The following EIF2D variants were observed in gnomAD, a reference collection of about 807,000 sequenced individuals.
EIF2D encodes hepatocellular carcinoma-associated antigen 56.
A neutral mutation model predicts 77.4 loss-of-function variants in EIF2D; 56 were observed. The ratio of observed to expected loss-of-function variants is 0.72; its 90% CI spans 0.58 to 0.90. The LOEUF is 0.90. Ranked by LOEUF, EIF2D falls within the 40% of genes least tolerant of loss-of-function variation. The probability of loss-of-function intolerance (pLI) is 0.00; values close to 1 mark genes in which losing one functional copy is unlikely to be tolerated. For missense variants in EIF2D, 574 were observed against 706.5 expected, an observed-to-expected ratio of 0.81 and a Z score of 2.13; for synonymous variants, 230 against 271.0, an observed-to-expected ratio of 0.85 and a Z score of 1.49.
At chr1:206,590,437 T>C (rs1237238588), downstream of EIF2D, among the ~76,000 whole-genome samples, 3 of 152,238 alleles carry the variant, frequency 2.0e-5, no homozygotes, top group Admixed American at 6.5e-5. Context: ...CAGTGCTATA[T>C]TTTACTTGTA....
chr1:206,581,435 T>TA (rs1305706136), intron 2 of EIF2D, among the ~76,000 whole-genome samples: 1 of 151,846 alleles, frequency 6.6e-6, no homozygotes, highest in Non-Finnish European at 1.5e-5. Context: ...CCGTCTCTAC[T>TA]AAAAAATACA....
At position 206,582,870 on chromosome 1, in the gene EIF2D, G is replaced by A. The variant is rs78509862; in HGVS notation, c.139-1708C>T. Among the ~76,000 whole-genome samples the A allele has an allele frequency of 3.9e-3, 592 of 152,260 alleles. 41 individuals carry two copies. In the East Asian group the frequency reaches 0.11, roughly 27 times the overall value. On this transcript the variant is annotated intron_variant and NMD_transcript_variant, in intron 2 of 5. Coordinates refer to the EIF2D transcript ENST00000472709. The stretch of plus-strand genomic sequence containing the variant: ...GACAGACCATGGCTTGTATTTCTTT[G>A]CATCTCCCATAGCATCAAAGAAGCA...
At position 206,597,081 on chromosome 1, in the gene EIF2D, G is replaced by C; in HGVS notation, c.1388+19C>G. Reference sequence around the variant, plus strand: ...CGAGGGGATAGAAAAGTTGGAGAGGGACTGCCAATGCTCGTTACCTGGTCA... The same window carrying C: ...CGAGGGGATAGAAAAGTTGGAGAGGCACTGCCAATGCTCGTTACCTGGTCA... On this transcript the variant is annotated intron_variant, in intron 12 of 14. Transcript: ENST00000271764. 6.3e-7 allele frequency: 1 copy of C among 1,596,186 alleles called. No homozygotes were observed. Among genetic ancestry groups the C allele is most frequent in the East Asian group, 2.2e-5 (1 of 44,764 alleles).
chr1:206,595,477 C>A, intron 13 of EIF2D: 1 of 336,342 alleles, frequency 3.0e-6, no homozygotes, highest in Non-Finnish European at 5.4e-6. Flanking sequence ...ATCTTGTTTA[C>A]TTTTGGAACC....
chr1:206,609,720 G>T (rs1342596740), intron 2 of EIF2D, among the ~76,000 whole-genome samples: 6 of 152,114 alleles, frequency 3.9e-5, no homozygotes, highest in African/African-American at 1.4e-4. Context: ...AAAAAGTGAG[G>T]GCAGAGAACC....
downstream of EIF2D, among the ~76,000 whole-genome samples, chr1:206,591,475 G>C (rs1026658724): frequency 3.3e-5 from 5 of 152,070 alleles, no homozygotes; most frequent in African/African-American, 4.8e-5. Flanking sequence ...CCACCTGTCC[G>C]AACTCTGAAT....
intron 7 of EIF2D, 75 bp from the exon 8 acceptor site, chr1:206,600,383 C>G (rs1333015689): frequency 7.1e-7 from 1 of 1,404,800 alleles, no homozygotes; most frequent in Non-Finnish European, 1.0e-6. Context: ...GAGAGGAGGG[C>G]CTTTTTCCTC....
chr1:206,611,398 T>C, intron 1 of EIF2D, 24 bp from the exon 2 acceptor site: 2 of 1,598,086 alleles, frequency 1.3e-6, no homozygotes, highest in Non-Finnish European at 1.7e-6. Flanking sequence ...ACCAGCACTG[T>C]GAATGCTGCC....
intron 6 of EIF2D, 89 bp from the exon 7 acceptor site, chr1:206,602,542 A>C (rs1572402500): frequency 8.5e-7 from 1 of 1,170,398 alleles, no homozygotes; most frequent in Non-Finnish European, 1.3e-6. Context: ...TCCCTACCTC[A>C]CCCACTTGGC....
At chr1:206,612,094 A>C (rs1670524965) in intron 1 of EIF2D, among the ~76,000 whole-genome samples, 193 bp downstream of exon 1, 1 of 152,224 alleles carries the variant, frequency 6.6e-6, no homozygotes, top group Non-Finnish European at 1.5e-5. Context: ...ACTATCCAAA[A>C]GAGAGCCAGG....
intron 4 of EIF2D, among the ~76,000 whole-genome samples, chr1:206,607,518 C>T (rs566824304): frequency 2.2e-4 from 33 of 152,194 alleles, no homozygotes; most frequent in African/African-American, 7.9e-4. Flanking sequence ...CAACTCTTTG[C>T]GAGGCCAAGG....
chr1:206,585,388 C>G (rs1452360314), intron 2 of EIF2D: 11 of 873,618 alleles, frequency 1.3e-5, no homozygotes, highest in South Asian at 4.0e-5. Context: ...TAGGTGGGAG[C>G]CACGCAGCAC....
chr1:206,609,463 T>C lies in EIF2D; in HGVS notation c.248-4A>G, dbSNP rs782592996. The C allele has an allele frequency of 4.4e-6, 7 of 1,609,148 alleles. No homozygotes were observed. Among genetic ancestry groups the C allele is most frequent in the Admixed American group, 1.7e-5 (1 of 58,750 alleles). On this transcript the variant is annotated splice_polypyrimidine_tract_variant and splice_region_variant and intron_variant, in intron 2 of 14. Coordinates refer to ENST00000271764, the MANE Select transcript of EIF2D (RefSeq NM_006893.3). ...GGATAGGACCACAGCGTGTACACTG[T>C]ACAAAAAGAGATCCAGAAAACACTA...
At chr1:206,575,789 C>T (rs985227455) in intron 4 of EIF2D, among the ~76,000 whole-genome samples, 11 of 152,234 alleles carry the variant, frequency 7.2e-5, no homozygotes, top group Admixed American at 2.0e-4. Flanking sequence ...GCTCCCCAGA[C>T]GTCACAGGTC....
chr1:206,593,482 A>T, intron 14 of EIF2D, 137 bp downstream of exon 14: 1 of 511,682 alleles, frequency 2.0e-6, no homozygotes, highest in Non-Finnish European at 3.1e-6. Context: ...AGAGAGAGAG[A>T]GAGAGCGAGA....
At chr1:206,594,006 G>A in intron 13 of EIF2D, 1 of 420,262 alleles carries the variant, frequency 2.4e-6, no homozygotes. Flanking sequence ...TACATATTTA[G>A]AGGGACAGAT....
chr1:206,608,392 C>A, intron 3 of EIF2D, 66 bp from the exon 4 acceptor site: 1 of 1,318,552 alleles, frequency 7.6e-7, no homozygotes, highest in East Asian at 2.6e-5. Context: ...TTTACTTCAT[C>A]ATTTCCTCAC....
intron 2 of EIF2D, chr1:206,585,275 A>G (rs1485473538): frequency 3.7e-6 from 6 of 1,613,912 alleles, no homozygotes; most frequent in Non-Finnish European, 5.1e-6. Context: ...GCTAAAGGAG[A>G]ATGAAACTGG....
chr1:206,606,878 A>G (rs1553412813), intron 4 of EIF2D, among the ~76,000 whole-genome samples: 1 of 152,254 alleles, frequency 6.6e-6, no homozygotes, highest in African/African-American at 2.4e-5. Flanking sequence ...ATAGGGAAAT[A>G]GGCTCCATAT....
Sources: allele counts gnomAD v4.1 joint callset (sites outside exome capture counted in the v4.1 genomes callset), GRCh38; gene constraint gnomAD v4.1.1; transcripts MANE v1.5; gene names NCBI Gene and HGNC (gene_info 2026-07-23, HGNC 2026-07-21).